TSHZ2: variants seen among roughly 807,000 people sequenced by gnomAD.
TSHZ2 encodes teashirt zinc finger homeobox 2.
Under a neutral mutation model 74.4 loss-of-function variants are expected in TSHZ2, and 21 were observed. That is an observed-to-expected ratio of 0.28 (90% confidence interval 0.20 to 0.41). TSHZ2 has a LOEUF of 0.41. Ranked by LOEUF, TSHZ2 falls within the 10% of genes least tolerant of loss-of-function variation. TSHZ2 has a pLI of 1.00. For synonymous variants in TSHZ2, 540 were observed against 515.3 expected, an observed-to-expected ratio of 1.05 and a Z score of -0.65; for missense variants, 1,244 against 1,293.5, an observed-to-expected ratio of 0.96 and a Z score of 0.59.
intron 2 of TSHZ2, among the ~76,000 whole-genome samples, chr20:53,285,707 T>A (rs1991151379): frequency 1.4e-5 from 2 of 143,578 alleles, no homozygotes; most frequent in African/African-American, 2.7e-5. Flanking sequence ...CAAGACTCCG[T>A]CTCCATCTCA....
intron 2 of TSHZ2, among the ~76,000 whole-genome samples, chr20:53,287,762 T>A (rs1296373156): frequency 6.6e-6 from 1 of 152,228 alleles, no homozygotes; most frequent in Non-Finnish European, 1.5e-5. Context: ...ACAAAAATCA[T>A]GGTAGATGAA....
intron 1 of TSHZ2, among the ~76,000 whole-genome samples, chr20:53,185,062 G>A (rs1441755073): frequency 6.6e-6 from 1 of 152,180 alleles, no homozygotes; most frequent in East Asian, 1.9e-4. Context: ...TGGTCGGACT[G>A]TTCCTAAATT....
At position 53,074,471 on chromosome 20, in the gene TSHZ2, C is replaced by A. The variant is rs930765114; in HGVS notation, c.40+101138C>A. Reference sequence around the variant, plus strand: ...TGGATGCAGTACGAAGTGTAGAAATCCAACAAATGTGTAAAAGGTAAAGGC... The same window carrying A: ...TGGATGCAGTACGAAGTGTAGAAATACAACAAATGTGTAAAAGGTAAAGGC... On this transcript the variant is annotated intron_variant, in intron 1 of 2. Transcript: ENST00000371497. This position sits in a 1 kb window ranked among gnomAD's most constrained non-coding sequence, Gnocchi z 5.9. 5.3e-5 allele frequency among the ~76,000 whole-genome samples: 8 copies of A among 151,996 alleles called. No individual in the cohort carries two copies. The highest frequency in any genetic ancestry group is 1.2e-4 in the Non-Finnish European group (8 of 68,006).
intron 1 of TSHZ2, among the ~76,000 whole-genome samples, chr20:53,212,048 T>A (rs183988103): frequency 8.3e-4 from 127 of 152,296 alleles, no homozygotes; most frequent in Non-Finnish European, 1.4e-3. Flanking sequence ...CGAAGTGGCA[T>A]AAATGAGCTC....
chr20:53,303,970 C>T (rs1978411719), intron 2 of TSHZ2, among the ~76,000 whole-genome samples: 2 of 151,968 alleles, frequency 1.3e-5, no homozygotes, highest in Admixed American at 1.3e-4. Flanking sequence ...CAAGGTGGAC[C>T]CAGCCCTTTC....
At chr20:53,046,327 A>G (rs535416697) in intron 1 of TSHZ2, among the ~76,000 whole-genome samples, 1 of 152,308 alleles carries the variant, frequency 6.6e-6, no homozygotes, top group African/African-American at 2.4e-5. Context: ...TCCGCCGCCA[A>G]CATCAGCCAT....
At chr20:53,441,270 ATTTTATT>A (rs1984311495) in intron 2 of TSHZ2, among the ~76,000 whole-genome samples, 1 of 102,510 alleles carries the variant, frequency 9.8e-6, no homozygotes, top group Non-Finnish European at 2.0e-5. Flanking sequence ...ATTTTATTTT[ATTTTATT>A]TATTTTGAGA....
rs181125971 is a variant in TSHZ2 at position 53,121,556 on chromosome 20, T to C, written c.41-131943T>C. On this transcript the variant is annotated intron_variant, in intron 1 of 2. Coordinates refer to ENST00000371497, the MANE Select transcript of TSHZ2 (RefSeq NM_173485.6). ...TAGCCTCTGGAGGGAGGAACTGCTC[T>C]CAACTCCTGTTTTGAGTTACTATGT... is the stretch of plus-strand genomic sequence containing the variant. Among the ~76,000 whole-genome samples the C allele has an allele frequency of 2.3e-4, 35 of 152,330 alleles. No individual in the cohort carries two copies. The East Asian group carries it at 6.6e-3, about 29-fold the overall frequency.
At chr20:53,394,830 T>C (rs1414666732) in intron 2 of TSHZ2, among the ~76,000 whole-genome samples, 1 of 110,800 alleles carries the variant, frequency 9.0e-6, no homozygotes, top group Non-Finnish European at 1.7e-5. Context: ...GCTCCACTCA[T>C]GAAATCCCAC....
At chr20:53,126,891 A>G (rs1485056366) in intron 1 of TSHZ2, among the ~76,000 whole-genome samples, 1 of 152,158 alleles carries the variant, frequency 6.6e-6, no homozygotes, top group African/African-American at 2.4e-5. Flanking sequence ...AAGTGAAGGA[A>G]GTGAGAGGTA....
chr20:53,205,989 G>A (rs1188178920), intron 1 of TSHZ2, among the ~76,000 whole-genome samples: 3 of 152,220 alleles, frequency 2.0e-5, no homozygotes, highest in Admixed American at 1.3e-4. Flanking sequence ...GAGAGGCCAA[G>A]GCGGGTGGAT....
intron 2 of TSHZ2, among the ~76,000 whole-genome samples, chr20:53,459,316 CTTCT>C (rs1328587918): frequency 1.3e-5 from 2 of 152,130 alleles, no homozygotes; most frequent in African/African-American, 4.8e-5. Flanking sequence ...ATGTAATGGC[CTTCT>C]TTGTCTCTTT....
intron 2 of TSHZ2, chr20:53,399,077 ACCT>A (rs1982559397): frequency 6.6e-6 from 1 of 152,234 alleles, no homozygotes; most frequent in Non-Finnish European, 1.5e-5. Context: ...CAGAACTTTA[ACCT>A]AACACCATGA....
At chr20:53,462,699 GAGGAA>G (rs1985418480) in intron 2 of TSHZ2, among the ~76,000 whole-genome samples, 1 of 152,212 alleles carries the variant, frequency 6.6e-6, no homozygotes, top group Non-Finnish European at 1.5e-5. Flanking sequence ...TTTGGGGGTG[GAGGAA>G]AGCCTTGAAT....
chr20:53,411,692 G>A (rs1029441566), intron 2 of TSHZ2, among the ~76,000 whole-genome samples: 34 of 152,186 alleles, frequency 2.2e-4, no homozygotes, highest in African/African-American at 7.2e-4. Context: ...GGACAGGTAG[G>A]TTGGCACGTG....
chr20:53,027,958 CAG>C (rs1400053726), intron 1 of TSHZ2, among the ~76,000 whole-genome samples: 2 of 152,084 alleles, frequency 1.3e-5, no homozygotes, highest in Admixed American at 6.5e-5. Flanking sequence ...GGACTGCAGT[CAG>C]GGGAAAAGTG....
At chr20:53,222,017 A>G (rs1462196513) in intron 1 of TSHZ2, among the ~76,000 whole-genome samples, 5 of 152,188 alleles carry the variant, frequency 3.3e-5, no homozygotes, top group South Asian at 2.1e-4. Flanking sequence ...CTGGCATTGT[A>G]TTTTAAGGGA....
intron 1 of TSHZ2, among the ~76,000 whole-genome samples, chr20:53,135,007 GACACACACACACACAC>G (rs139347142): frequency 3.4e-5 from 5 of 148,604 alleles, no homozygotes; most frequent in African/African-American, 7.4e-5. Flanking sequence ...TGCACATGCA[GACACACACACACACAC>G]ACACACACAC....
At chr20:53,474,874 C>G (rs1340183394) in intron 2 of TSHZ2, among the ~76,000 whole-genome samples, 6 of 144,090 alleles carry the variant, frequency 4.2e-5, no homozygotes, top group South Asian at 2.3e-4. Context: ...TCAGATAAAA[C>G]AGACTTTAAA....
Sources: gnomAD v4.1 joint callset for allele counts (sites outside exome capture counted in the v4.1 genomes callset) on GRCh38, gnomAD v4.1.1 for gene constraint, Gnocchi (gnomAD v3.1) non-coding constraint, MANE v1.5 for transcripts, NCBI Gene and HGNC (gene_info 2026-07-23, HGNC 2026-07-21) for gene names.